Variants in TCOF1 observed in about 807,000 individuals in gnomAD.
TCOF1 encodes treacle protein.
A neutral mutation model predicts 149.0 loss-of-function variants in TCOF1; 33 were observed. That is an observed-to-expected ratio of 0.22 (90% CI 0.17 to 0.30). The LOEUF is 0.30. TCOF1 is among the 10% of genes least tolerant of loss of function. The pLI, the probability that TCOF1 is intolerant of heterozygous loss-of-function variation, is 1.00. For synonymous variants in TCOF1, 789 were observed against 738.8 expected, an observed-to-expected ratio of 1.07 and a Z score of -1.10; for missense variants, 1,728 against 1,840.7, an observed-to-expected ratio of 0.94 and a Z score of 1.12.
chr5:150,373,287 C>T (rs1468313000), intron 7 of TCOF1, among the ~76,000 whole-genome samples: 1 of 152,180 alleles, frequency 6.6e-6, no homozygotes, highest in Non-Finnish European at 1.5e-5. Context: ...GCAGTCCTCC[C>T]ACCTTGGCCT....
intron 23 of TCOF1, among the ~76,000 whole-genome samples, chr5:150,395,850 C>G (rs1056290811): frequency 1.3e-5 from 2 of 152,150 alleles, no homozygotes; most frequent in African/African-American, 4.8e-5. Flanking sequence ...AACCAAGGCC[C>G]TGGGAGGAGA....
chr5:150,377,509 T>C (rs1376362530), intron 14 of TCOF1, among the ~76,000 whole-genome samples: 1 of 152,254 alleles, frequency 6.6e-6, no homozygotes, highest in East Asian at 1.9e-4. Context: ...CTGTTTATTA[T>C]TTTTAATTGT....
intron 9 of TCOF1, 46 bp from the exon 10 acceptor site, chr5:150,374,908 C>T: frequency 6.2e-7 from 1 of 1,613,818 alleles, no homozygotes; most frequent in Non-Finnish European, 8.5e-7. Flanking sequence ...CCTGTCTCCA[C>T]ACGTCCACCC....
chr5:150,383,071 A>G (rs1765561192), intron 17 of TCOF1: 2 of 1,535,760 alleles, frequency 1.3e-6, no homozygotes, highest in Non-Finnish European at 1.7e-6. Flanking sequence ...GAAGGACAGT[A>G]ACTCCAAACC....
At chr5:150,367,198 A>C (rs983330111) in intron 3 of TCOF1, among the ~76,000 whole-genome samples, 1 of 152,078 alleles carries the variant, frequency 6.6e-6, no homozygotes, top group African/African-American at 2.4e-5. Context: ...CCAGCTACTC[A>C]GGAGGCTGAG....
chr5:150,385,183 A>G (rs1004899150), intron 17 of TCOF1: 22 of 758,938 alleles, frequency 2.9e-5, no homozygotes, highest in Non-Finnish European at 3.0e-5. Flanking sequence ...ATATTTTTTA[A>G]GGCCAACTTC....
At chr5:150,381,617 C>A (rs1255147802) in intron 17 of TCOF1, among the ~76,000 whole-genome samples, 1 of 152,176 alleles carries the variant, frequency 6.6e-6, no homozygotes, top group African/African-American at 2.4e-5. Context: ...TATGGAGGAC[C>A]TAAATGCCAG....
At chr5:150,361,052 G>T in intron 1 of TCOF1, 104 bp from the exon 2 acceptor site, 1 of 1,498,870 alleles carries the variant, frequency 6.7e-7, no homozygotes, top group South Asian at 1.1e-5. Flanking sequence ...ACCCTCTTCT[G>T]AACCACCTGT....
chr5:150,364,558 GAC>G (rs1428039916), intron 3 of TCOF1, among the ~76,000 whole-genome samples: 2 of 152,234 alleles, frequency 1.3e-5, no homozygotes, highest in African/African-American at 4.8e-5. Flanking sequence ...CTGGAAAGAA[GAC>G]ACACGTTCAG....
At chr5:150,393,139 A>G in intron 22 of TCOF1, 1 of 604,086 alleles carries the variant, frequency 1.7e-6, no homozygotes, top group Non-Finnish European at 2.9e-6. Context: ...TTAATAAGAA[A>G]TTTCCTTTTT....
intron 25 of TCOF1, 108 bp downstream of exon 25, chr5:150,398,559 CGGG>C (rs1253350643): frequency 1.9e-6 from 3 of 1,554,070 alleles, no homozygotes; most frequent in Non-Finnish European, 2.6e-6. Context: ...GGGGCCCAGT[CGGG>C]GGCGTCAGGG....
At chr5:150,374,045 A>G (rs1035553524) in intron 7 of TCOF1, 129 bp from the exon 8 acceptor site, 5 of 1,020,152 alleles carry the variant, frequency 4.9e-6, no homozygotes, top group Non-Finnish European at 7.5e-6. Flanking sequence ...GTATCAGTCA[A>G]GGTGGGGAGT....
chr5:150,375,291 A>T, intron 10 of TCOF1, 48 bp from the exon 11 acceptor site: 2 of 1,605,414 alleles, frequency 1.2e-6, no homozygotes, highest in South Asian at 1.1e-5. Context: ...CCTCACTCAC[A>T]TTCTCCTTCT....
intron 1 of TCOF1, among the ~76,000 whole-genome samples, chr5:150,358,979 T>A (rs563998720): frequency 5.9e-5 from 9 of 152,300 alleles, no homozygotes; most frequent in African/African-American, 2.2e-4. Context: ...GGATACAGTA[T>A]GAGCCATGAT....
At chr5:150,382,945 G>A (rs1051311673) in intron 17 of TCOF1, 14 of 770,756 alleles carry the variant, frequency 1.8e-5, no homozygotes, top group Admixed American at 2.9e-5. Context: ...GCAGGAAGGG[G>A]CCACGCTGCC....
rs1432083143 is a variant in TCOF1 at position 150,366,815 on chromosome 5, C to T, written c.305-1029C>T. Reference sequence around the variant, plus strand: ...GACTACAGGCGCCCGCCACCGCGCCCGGCTAATTTTTTGTATTTTTAGTAG... The same window carrying T: ...GACTACAGGCGCCCGCCACCGCGCCTGGCTAATTTTTTGTATTTTTAGTAG... On this transcript the variant is annotated intron_variant, in intron 3 of 26. Coordinates refer to ENST00000643257, the MANE Select transcript of TCOF1 (RefSeq NM_001371623.1). Among the ~76,000 whole-genome samples the T allele has an allele frequency of 1.1e-3, 63 of 57,958 alleles. 22 individuals carry two copies. Among genetic ancestry groups the T allele is most frequent in the African/African-American group, 6.0e-3 (55 of 9,092 alleles). 38.0% of individuals were successfully genotyped at this position (57,958 alleles called of 152,430 possible).
At chr5:150,369,676 G>A in intron 6 of TCOF1, 74 bp downstream of exon 6, 5 of 1,525,004 alleles carry the variant, frequency 3.3e-6, no homozygotes, top group Non-Finnish European at 4.5e-6. Context: ...TGGGGCTTCA[G>A]ACACCAGTGG....
Position 150,374,160 on chromosome 5 carries a change from T to A in TCOF1, c.871-14T>A. 6.2e-7 allele frequency: 1 copy of A among 1,608,392 alleles called. No homozygotes were observed. The highest frequency in any genetic ancestry group is 2.2e-5 in the East Asian group (1 of 44,802). ...CACAAGCAGGAGAGCAAGCTGCCCTTTCTTTTTCACCAGGTAAAGGCCTCT... is the reference window on the plus strand; with the variant it reads ...CACAAGCAGGAGAGCAAGCTGCCCTATCTTTTTCACCAGGTAAAGGCCTCT... On this transcript the variant is annotated splice_polypyrimidine_tract_variant and intron_variant, in intron 7 of 26. Transcript: ENST00000643257.
chr5:150,389,980 G>A lies in TCOF1; in HGVS notation c.3140G>A (p.Ser1047Asn), dbSNP rs1215983163. The part of the protein sequence containing the change: ...MAGASSSKES[S>N]RISDGKKQEG... ...GGGGCCAGCAGCAGCAAGGAGTCCA[G>A]TCGGATATCAGATGGCAAGAAACAG... Residue 1047 changes from serine to asparagine, a missense_variant, in exon 19 of 27, where the codon AGT (serine) becomes AAT (asparagine). Physicochemically the swap from Ser to Asn is conservative, Grantham distance 46 (BLOSUM62 1). Coordinates refer to ENST00000643257, the MANE Select transcript of TCOF1 (RefSeq NM_001371623.1). 4 of 1,614,032 alleles carry A rather than the reference G, an allele frequency of 2.5e-6. No individual in the cohort carries two copies. Among genetic ancestry groups the A allele is most frequent in the Middle Eastern group, 1.6e-4 (1 of 6,062 alleles).
Sources: allele counts gnomAD v4.1 joint callset (sites outside exome capture counted in the v4.1 genomes callset), GRCh38; gene constraint gnomAD v4.1.1; transcripts MANE v1.5; gene names NCBI Gene and HGNC (gene_info 2026-07-23, HGNC 2026-07-21).